Variants in EPPK1 observed in about 807,000 individuals in gnomAD.
EPPK1 encodes the protein epiplakin 1.
For missense variants in EPPK1, 3,823 were observed against 3,673.3 expected (o/e 1.04, Z -1.05); for synonymous variants, 1,862 against 1,721.2 (o/e 1.08, Z -2.03).
At chr8:143,878,774 G>A (rs572695317), upstream of EPPK1, among the ~76,000 whole-genome samples, 68 of 152,048 alleles carry the variant, frequency 4.5e-4, 1 homozygote, top group African/African-American at 1.2e-3. Flanking sequence ...ACCGGCCAGA[G>A]CGGCGGTTTC....
In EPPK1 at chr8:143,857,907, A is replaced by AAC. The variant is rs1818926664; in HGVS notation, c.*79_*80insGT. ...AAATTAAAGAATGACAAAAAAAAAA[A>AAC]AAAAAAAAAAAACAACCCAGACACA... On this transcript the variant is annotated 3_prime_UTR_variant, in exon 2 of 2. Coordinates refer to ENST00000615648, the MANE Select transcript of EPPK1 (RefSeq NM_031308.4). The AAC allele has an allele frequency of 8.9e-5, 70 of 784,858 alleles. No individual in the cohort carries two copies. The highest frequency in any genetic ancestry group is 2.6e-4 in the Admixed American group (7 of 27,104). 48.6% of individuals were successfully genotyped at this position (784,858 alleles called of 1,614,324 possible). A position where few individuals can be genotyped will look rare whatever the true frequency, so the allele number is the denominator to read the frequency against.
In EPPK1 at chr8:143,872,243, C is replaced by T. The variant is rs374661072; in HGVS notation, c.1011G>A (p.Leu337=). ...TLVDPITGQR[L]WVDEAVRAGL... The stretch of plus-strand genomic sequence containing the variant: ...CCGCCCTGACTGCCTCGTCTACCCA[C>T]AGCCGCTGGCCTGTGATGGGGTCCA... The change falls in exon 2 of 2, where the codon CTG becomes CTA. Residue 337 remains leucine, a synonymous_variant. Coordinates refer to ENST00000615648, the MANE Select transcript of EPPK1 (RefSeq NM_031308.4). The T allele has an allele frequency of 3.4e-5, 55 of 1,609,792 alleles. No individual in the cohort carries two copies. The highest frequency in any genetic ancestry group is 3.3e-5 in the Admixed American group (2 of 59,814).
At position 143,863,123 on chromosome 8, in the gene EPPK1, GTAGCCGGT is replaced by G; in HGVS notation, c.10123_10130del (p.Thr3375HisfsTer330). On this transcript the variant is annotated frameshift_variant, in exon 2 of 2. Coordinates refer to ENST00000615648, the MANE Select transcript of EPPK1 (RefSeq NM_031308.4). LOFTEE classifies it low-confidence loss of function (END_TRUNC). ...TCTGCTGCCCGGTGTAGGGGTCGGT[GTAGCCGGT>G]GACGGCGCGCTCGGCCGACAGCAGC... The G allele has an allele frequency of 1.9e-5, 2 of 102,736 alleles. No individual in the cohort carries two copies. Among genetic ancestry groups the G allele is most frequent in the African/African-American group, 1.7e-4 (1 of 5,716 alleles). The allele number at this position is 102,736 out of a possible 1,614,324, so 6.4% of individuals were successfully genotyped here.
intron 1 of EPPK1, among the ~76,000 whole-genome samples, chr8:143,877,810 G>C (rs538027480): frequency 1.3e-5 from 2 of 152,082 alleles, no homozygotes; most frequent in South Asian, 4.2e-4. Flanking sequence ...AGTGCAGCGG[G>C]GGCCCAGGGC....
At chr8:143,874,896 T>C (rs535009629) in intron 1 of EPPK1, among the ~76,000 whole-genome samples, 2 of 152,146 alleles carry the variant, frequency 1.3e-5, no homozygotes, top group South Asian at 4.2e-4. Context: ...TCCACCGCTC[T>C]TGAGGCAGCC....
At chr8:143,877,503 C>CGG (rs1554662440) in intron 1 of EPPK1, among the ~76,000 whole-genome samples, 1 of 152,172 alleles carries the variant, frequency 6.6e-6, no homozygotes, top group Non-Finnish European at 1.5e-5. Context: ...AGGTGGCCCC[C>CGG]AGGCCCCAAG....
rs1399229405 is a variant in EPPK1 at position 143,867,713 on chromosome 8, C to G, written c.5541G>C (p.Val1847=). The G allele has an allele frequency of 1.2e-6, 2 of 1,613,580 alleles. No individual in the cohort carries two copies. The highest frequency in any genetic ancestry group is 1.7e-6 in the Non-Finnish European group (2 of 1,179,866). Residue 1847 remains valine, a synonymous_variant, in exon 2 of 2, where the codon GTG becomes GTC. Transcript: ENST00000615648. ...CTGTCACCTCCCCTCTGATGGCCGC[C>G]ACTTTGATGCCTTGGTTTTGCGTCT... The part of the protein sequence containing the change: ...ETETQNQGIK[V]AAIRGEVTAA...
rs1417048183 is a variant in EPPK1, at chr8:143,857,857, C to G, written c.*130G>C. On this transcript the variant is annotated 3_prime_UTR_variant, in exon 2 of 2. Transcript: ENST00000615648. ...ACATGACAACTTAAAACGTTTTCCA[C>G]AGATAACGAATGGGTAAAACAACAA... 2 of 631,558 alleles carry G rather than the reference C, an allele frequency of 3.2e-6. No homozygotes were observed. Among genetic ancestry groups the G allele is most frequent in the Non-Finnish European group, 4.7e-6 (2 of 426,714 alleles). 39.1% of individuals were successfully genotyped at this position (631,558 alleles called of 1,614,324 possible).
rs191533123 is a variant in EPPK1 at position 143,868,132 on chromosome 8, C to T, written c.5122G>A (p.Gly1708Ser). The change falls in exon 2 of 2, where the codon GGC (glycine) becomes AGC (serine). Residue 1708 changes from glycine (G) to serine (S), a missense_variant. Transcript: ENST00000615648. ...RVPVDVAYRC[G>S]YFDEEMNRIL... Reference sequence around the variant, plus strand: ...CGGTTCATCTCCTCGTCGAAGTAGCCGCAGCGGTAGGCCACGTCCACGGGC... The same window carrying T: ...CGGTTCATCTCCTCGTCGAAGTAGCTGCAGCGGTAGGCCACGTCCACGGGC... The T allele has an allele frequency of 5.9e-3, 9,471 of 1,613,280 alleles. 45 individuals carry two copies. The highest frequency in any genetic ancestry group is 7.0e-3 in the Non-Finnish European group (8,232 of 1,180,034).
At chr8:143,879,126 G>A (rs1329756395), upstream of EPPK1, among the ~76,000 whole-genome samples, 3 of 152,232 alleles carry the variant, frequency 2.0e-5, no homozygotes, top group African/African-American at 7.2e-5. Flanking sequence ...TGGGCATGGA[G>A]GCTCACAGCC....
In EPPK1 at chr8:143,857,896, C is replaced by CAAAAAAAAAAAAA. The variant is rs35186960; in HGVS notation, c.*78_*90dup. On this transcript the variant is annotated 3_prime_UTR_variant, in exon 2 of 2. Coordinates refer to ENST00000615648, the MANE Select transcript of EPPK1 (RefSeq NM_031308.4). ...GTAAAACAACAAAATTAAAGAATGA[C>CAAAAAAAAAAAAA]AAAAAAAAAAAAAAAAAAAAAAACA... The CAAAAAAAAAAAAA allele has an allele frequency of 5.3e-5, 23 of 437,914 alleles. No individual in the cohort carries two copies. Among genetic ancestry groups the CAAAAAAAAAAAAA allele is most frequent in the East Asian group, 7.7e-5 (2 of 25,868 alleles). 27.1% of individuals were successfully genotyped at this position (437,914 alleles called of 1,614,324 possible). A position where few individuals can be genotyped will look rare whatever the true frequency, so the allele number is the denominator to read the frequency against.
In EPPK1 at chr8:143,868,931, C is replaced by G. The variant is rs1554660156; in HGVS notation, c.4323G>C (p.Glu1441Asp). ...GAGCCACCGCGGTGTGGTCGTCCAC[C>G]TCAAGCACTGTGTCTGAGGGCAGTG... ...LLPLPSDTVLEVDDHTAVALR... is the reference protein window; with the variant it reads ...LLPLPSDTVLDVDDHTAVALR... Residue 1441 changes from glutamate to aspartate, a missense_variant, in exon 2 of 2, where the codon GAG becomes GAC. Transcript: ENST00000615648. 6.2e-7 allele frequency: 1 copy of G among 1,611,078 alleles called. No homozygotes were observed. Among genetic ancestry groups the G allele is most frequent in the Non-Finnish European group, 8.5e-7 (1 of 1,179,832 alleles).
In EPPK1 at chr8:143,870,537, A is replaced by G; in HGVS notation, c.2717T>C (p.Val906Ala). The change falls in exon 2 of 2, where the codon GTG becomes GCG. Residue 906 changes from valine (V) to alanine (A), a missense_variant. Transcript: ENST00000615648. This position sits in a 1 kb window ranked among gnomAD's most constrained non-coding sequence, Gnocchi z 5.2. ...GIIDQQLLDQ[V>A]LAGTISPEAL... ...CTCCGGGCTGATTGTCCCGGCCAGC[A>G]CTTGGTCCAACAGCTGCTGGTCAAT... is the stretch of plus-strand genomic sequence containing the variant. 6.2e-7 allele frequency: 1 copy of G among 1,611,320 alleles called. No homozygotes were observed. The highest frequency in any genetic ancestry group is 1.3e-5 in the African/African-American group (1 of 75,014).
In EPPK1 at chr8:143,873,128, G is replaced by T; in HGVS notation, c.126C>A (p.Ser42Arg). 1 of 1,579,186 alleles carries T rather than the reference G, an allele frequency of 6.3e-7. No individual in the cohort carries two copies. The highest frequency in any genetic ancestry group is 8.6e-7 in the Non-Finnish European group (1 of 1,166,400). Residue 42 changes from serine (S) to arginine (R), a missense_variant, in exon 2 of 2, where the codon AGC becomes AGA. By Grantham distance (110) the Ser-to-Arg change is moderately radical. Transcript: ENST00000615648. ...AGGCCTCCACATACACCCCAGCTATGCTCCTGGCCTGGGGCCTGGGGGGCG... is the reference window on the plus strand; with the variant it reads ...AGGCCTCCACATACACCCCAGCTATTCTCCTGGCCTGGGGCCTGGGGGGCG... Reference protein sequence around the residue: ...AGTPPRPQARSIAGVYVEASG... With the variant: ...AGTPPRPQARRIAGVYVEASG...
At position 143,869,394 on chromosome 8, in the gene EPPK1, C is replaced by T; in HGVS notation, c.3860G>A (p.Gly1287Asp). Reference protein sequence around the residue: ...QRLLEAQVASGFLVDPLNNQR... With the variant: ...QRLLEAQVASDFLVDPLNNQR... ...GTTGTTCAGGGGGTCAACAAGGAAG[C>T]CAGATGCCACCTGGGCTTCCAGCAG... Residue 1287 changes from glycine (G) to aspartate (D), a missense_variant, in exon 2 of 2, where the codon GGC (glycine) becomes GAC (aspartate). Physicochemically the swap from Gly to Asp is moderately conservative, Grantham distance 94. Coordinates refer to ENST00000615648, the MANE Select transcript of EPPK1 (RefSeq NM_031308.4). The T allele has an allele frequency of 6.2e-7, 1 of 1,609,194 alleles. No individual in the cohort carries two copies. Among genetic ancestry groups the T allele is most frequent in the Non-Finnish European group, 8.5e-7 (1 of 1,178,752 alleles).
Position 143,871,137 on chromosome 8 carries a change from A to C in EPPK1, c.2117T>G (p.Met706Arg). ...TGQQISLFQA[M>R]QKGLIVREHG... ...CTCCCGGACGATGAGGCCCTTCTGC[A>C]TGGCCTGGAAGAGGGAGATCTGCTG... Residue 706 changes from methionine to arginine, a missense_variant, in exon 2 of 2, where the codon ATG becomes AGG. Transcript: ENST00000615648. 6.2e-7 allele frequency: 1 copy of C among 1,613,190 alleles called. No individual in the cohort carries two copies. The highest frequency in any genetic ancestry group is 1.1e-5 in the South Asian group (1 of 91,086).
rs1554660327 is a variant in EPPK1, at chr8:143,869,381, G to C, written c.3873C>G (p.Asp1291Glu). 6.2e-7 allele frequency: 1 copy of C among 1,610,234 alleles called. No homozygotes were observed. The highest frequency in any genetic ancestry group is 8.5e-7 in the Non-Finnish European group (1 of 1,179,058). The part of the protein sequence containing the change: ...EAQVASGFLV[D>E]PLNNQRLSVE... ...CTGACAGTCTCTGGTTGTTCAGGGG[G>C]TCAACAAGGAAGCCAGATGCCACCT... The change falls in exon 2 of 2, where the codon GAC (aspartate) becomes GAG (glutamate). Residue 1291 changes from aspartate to glutamate, a missense_variant. Coordinates refer to ENST00000615648, the MANE Select transcript of EPPK1 (RefSeq NM_031308.4).
rs781809715 is a variant in EPPK1 at position 143,866,707 on chromosome 8, C to T, written c.6547G>A (p.Ala2183Thr). 1.9e-6 allele frequency: 3 copies of T among 1,613,300 alleles called. No homozygotes were observed. Among genetic ancestry groups the T allele is most frequent in the Non-Finnish European group, 2.5e-6 (3 of 1,179,890 alleles). ...WFQGIRRQIT[A>T]SELLSSAIIT... The stretch of plus-strand genomic sequence containing the variant: ...ATGGCTGAGCTGAGGAGTTCAGAAG[C>T]TGTGATCTGTCGTCTAATTCCTTGG... The change falls in exon 2 of 2, where the codon GCT becomes ACT. Residue 2183 changes from alanine (A) to threonine (T), a missense_variant. Physicochemically the swap from Ala to Thr is moderately conservative, Grantham distance 58. Transcript: ENST00000615648.
rs374992121 is a variant in EPPK1 at position 143,871,058 on chromosome 8, G to A, written c.2196C>T (p.Pro732=). 9.8e-5 allele frequency: 158 copies of A among 1,612,980 alleles called. No homozygotes were observed. The African/African-American group carries it at 1.4e-3, about 14-fold the overall frequency. Residue 732 remains proline (P), a synonymous_variant, in exon 2 of 2, where the codon CCC becomes CCT. Coordinates refer to ENST00000615648, the MANE Select transcript of EPPK1 (RefSeq NM_031308.4). The part of the protein sequence containing the change: ...AQIATGGVID[P]VHSHRVPVDV... ...CCACGGGCACGCGGTGGCTGTGCAC[G>A]GGGTCGATGACGCCGCCCGTGGCGA...
Sources: gnomAD v4.1 joint callset for allele counts (sites outside exome capture counted in the v4.1 genomes callset) on GRCh38, gnomAD v4.1.1 for gene constraint, Gnocchi (gnomAD v3.1) non-coding constraint, MANE v1.5 for transcripts, NCBI Gene and HGNC (gene_info 2026-07-23, HGNC 2026-07-21) for gene names.